TXNDC5: variants seen among roughly 807,000 people sequenced by gnomAD.
The protein encoded by TXNDC5 is thioredoxin domain containing 5, also known as thioredoxin domain-containing protein 5.
Under a neutral mutation model 52.6 loss-of-function variants are expected in TXNDC5, and 44 were observed. The observed-to-expected ratio is 0.84, with a 90% CI of 0.66 to 1.08. The LOEUF (loss-of-function observed/expected upper bound fraction) is 1.08, where lower values mean the gene tolerates loss of function less well. TXNDC5 is among the 50% of genes least tolerant of loss of function. TXNDC5 has a pLI of 0.00. For missense variants in TXNDC5, 600 were observed against 565.5 expected (o/e 1.06, Z -0.62); for synonymous variants, 241 against 234.4 (o/e 1.03, Z -0.26).
chr6:7,891,573 T>C (rs1210883119), intron 5 of TXNDC5, 48 bp downstream of exon 5: 4 of 1,504,762 alleles, frequency 2.7e-6, no homozygotes, highest in African/African-American at 1.4e-5. Context: ...TGCTAATTAA[T>C]CCAGCCCAAA....
At chr6:7,902,064 C>G (rs1009827512) in intron 2 of TXNDC5, among the ~76,000 whole-genome samples, 1 of 152,074 alleles carries the variant, frequency 6.6e-6, no homozygotes, top group South Asian at 2.1e-4. Flanking sequence ...CATGTGAGGA[C>G]AGAGGACGGC....
chr6:7,888,437 T>C (rs1230671373), intron 7 of TXNDC5, among the ~76,000 whole-genome samples: 1 of 152,216 alleles, frequency 6.6e-6, no homozygotes, highest in East Asian at 1.9e-4. Flanking sequence ...TCTCTAGAGA[T>C]TTTTGACACC....
rs1354261999 is a variant in TXNDC5 at position 7,889,495 on chromosome 6, C to G, written c.819G>C (p.Lys273Asn). Residue 273 changes from lysine (K) to asparagine (N), a missense_variant and splice_region_variant, in exon 6 of 10, where the codon AAG becomes AAC. Transcript: ENST00000379757. ...TCAGTACTAAGAAGTGCAGACGTAC[C>G]TTTTTCCCATCTCGGAACCAGAGAA... is the stretch of plus-strand genomic sequence containing the variant. ...PTLLWFRDGK[K>N]VDQYKGKRDL... 3.1e-6 allele frequency: 5 copies of G among 1,612,992 alleles called. No individual in the cohort carries two copies. The Middle Eastern group carries it at 4.9e-4, about 159-fold the overall frequency.
intron 5 of TXNDC5, 55 bp downstream of exon 5, chr6:7,891,566 T>A: frequency 6.9e-7 from 1 of 1,446,744 alleles, no homozygotes. Flanking sequence ...GCCACTCTGC[T>A]AATTAATCCA....
At chr6:7,908,486 G>A (rs1332866299) in intron 1 of TXNDC5, among the ~76,000 whole-genome samples, 2 of 150,716 alleles carry the variant, frequency 1.3e-5, no homozygotes, top group Non-Finnish European at 2.9e-5. Flanking sequence ...GGCACTGTGG[G>A]GACTTATTAC....
In TXNDC5 at chr6:7,888,869, C is replaced by T. The variant is rs186496963; in HGVS notation, c.820-21G>A. 168 of 1,587,346 alleles carry T rather than the reference C, an allele frequency of 1.1e-4. No individual in the cohort carries two copies. The East Asian group carries it at 2.7e-3, about 26-fold the overall frequency. On this transcript the variant is annotated intron_variant, in intron 6 of 9. Coordinates refer to ENST00000379757, the MANE Select transcript of TXNDC5 (RefSeq NM_030810.5). Reference sequence around the variant, plus strand: ...TCCACCTGGCCAAGACACGGGCACGCGGCTGAGTGAGTCCACTGAGGTGTT... The same window carrying T: ...TCCACCTGGCCAAGACACGGGCACGTGGCTGAGTGAGTCCACTGAGGTGTT...
intron 8 of TXNDC5, among the ~76,000 whole-genome samples, 200 bp downstream of exon 8, chr6:7,885,761 C>CAT (rs908679721): frequency 3.9e-5 from 6 of 152,062 alleles, no homozygotes; most frequent in Non-Finnish European, 8.8e-5. Flanking sequence ...CCTCATTCTC[C>CAT]ATATATAATT....
chr6:7,890,142 C>T (rs1300494818), intron 5 of TXNDC5, among the ~76,000 whole-genome samples: 1 of 152,182 alleles, frequency 6.6e-6, no homozygotes, highest in Non-Finnish European at 1.5e-5. Context: ...TACCAACAAG[C>T]ACAGCTCTTC....
chr6:7,887,268 A>G (rs1193888329), intron 7 of TXNDC5, among the ~76,000 whole-genome samples: 2 of 152,006 alleles, frequency 1.3e-5, no homozygotes, highest in Non-Finnish European at 2.9e-5. Flanking sequence ...CATGACTTCT[A>G]CCTGAAGAGG....
At chr6:7,905,852 T>C (rs1308022658) in intron 1 of TXNDC5, among the ~76,000 whole-genome samples, 1 of 152,244 alleles carries the variant, frequency 6.6e-6, no homozygotes. Flanking sequence ...CACTTGCTTA[T>C]ATGAACACTC....
intron 4 of TXNDC5, among the ~76,000 whole-genome samples, chr6:7,892,918 C>T (rs1020245282): frequency 1.3e-5 from 2 of 152,278 alleles, no homozygotes; most frequent in Middle Eastern, 3.4e-3. Context: ...GAAGGGAGGG[C>T]GGGCTGTGCC....
Position 7,888,759 on chromosome 6 carries a change from C to T in TXNDC5, c.909G>A (p.Glu303=), listed in dbSNP as rs1219691595. The T allele has an allele frequency of 6.2e-7, 1 of 1,614,110 alleles. No homozygotes were observed. The highest frequency in any genetic ancestry group is 8.5e-7 in the Non-Finnish European group (1 of 1,180,014). Residue 303 remains glutamate, a synonymous_variant, in exon 7 of 10, where the codon GAG becomes GAA. Coordinates refer to ENST00000379757, the MANE Select transcript of TXNDC5 (RefSeq NM_030810.5). ...CCGGGGCCTCTGAGGGCGTGACGGT[C>T]TCCGTCGCTCCAGTCTCTGTGCGCT... ...QLQRTETGAT[E]TVTPSEAPVL...
chr6:7,888,622 TGAG>T (rs1760081879), intron 7 of TXNDC5, 80 bp downstream of exon 7: 2 of 1,484,836 alleles, frequency 1.3e-6, no homozygotes, highest in African/African-American at 1.5e-5. Context: ...CCAAAGCATT[TGAG>T]GAGGCCTCTG....
chr6:7,897,138 CAT>C (rs1485203511), intron 3 of TXNDC5, among the ~76,000 whole-genome samples: 4 of 152,052 alleles, frequency 2.6e-5, no homozygotes, highest in Non-Finnish European at 4.4e-5. Flanking sequence ...GGCAAATCCA[CAT>C]GATAAAATAA....
chr6:7,904,477 AT>A, intron 2 of TXNDC5, 96 bp downstream of exon 2: 2 of 1,498,050 alleles, frequency 1.3e-6, no homozygotes, highest in Non-Finnish European at 1.8e-6. Context: ...GCCTGCTTAA[AT>A]TTAGTATCTC....
At position 7,904,583 on chromosome 6, in the gene TXNDC5, C is replaced by A. The variant is rs558569361; in HGVS notation, c.404G>T (p.Gly135Val). ...CTTCCTTCCAACTTACGTGGGGTAT[C>A]CTCGCACCCCCTGGGCGGAGCACAC... ...SDVCSAQGVR[G>V]YPTLKLFKPG... is the part of the protein sequence containing the mutation. Residue 135 changes from glycine (G) to valine (V), a missense_variant, in exon 2 of 10, where the codon GGA (glycine) becomes GTA (valine). Gly to Val is a moderately radical substitution (Grantham distance 109). Transcript: ENST00000379757. 56 of 1,614,148 alleles carry A rather than the reference C, an allele frequency of 3.5e-5. No homozygotes were observed. The South Asian group carries it at 5.5e-4, about 16-fold the overall frequency.
chr6:7,899,855 C>A, intron 2 of TXNDC5, 174 bp from the exon 3 acceptor site: 1 of 485,218 alleles, frequency 2.1e-6, no homozygotes, highest in Non-Finnish European at 3.6e-6. Flanking sequence ...ATAATACATT[C>A]AGTTAATCCT....
Position 7,904,738 on chromosome 6 carries a change from G to C in TXNDC5, c.264-15C>G. ...AGTGTCCACACCTGGAACAAGGCAAGAGTACAAGCACATTGAGTATCAGGT... is the reference window on the plus strand; with the variant it reads ...AGTGTCCACACCTGGAACAAGGCAACAGTACAAGCACATTGAGTATCAGGT... On this transcript the variant is annotated splice_polypyrimidine_tract_variant and intron_variant, in intron 1 of 9. Transcript: ENST00000379757. 6.2e-7 allele frequency: 1 copy of C among 1,614,174 alleles called. No individual in the cohort carries two copies. The highest frequency in any genetic ancestry group is 8.5e-7 in the Non-Finnish European group (1 of 1,180,016).
intron 9 of TXNDC5, among the ~76,000 whole-genome samples, 161 bp downstream of exon 9, chr6:7,884,198 A>G (rs112735294): frequency 4.6e-5 from 7 of 152,112 alleles, no homozygotes; most frequent in African/African-American, 1.7e-4. Context: ...TCCCTTTGAG[A>G]GAGGATCTCT....
Sources: gnomAD v4.1 joint callset for allele counts (sites outside exome capture counted in the v4.1 genomes callset) on GRCh38, gnomAD v4.1.1 for gene constraint, MANE v1.5 for transcripts, NCBI Gene and HGNC (gene_info 2026-07-23, HGNC 2026-07-21) for gene names.